CTSO: variants seen among roughly 807,000 people sequenced by gnomAD.
CTSO encodes cathepsin O.
CTSO carries 40 observed loss-of-function variants against 42.4 expected under a neutral mutation model. That is an observed-to-expected ratio of 0.94 (90% confidence interval 0.73 to 1.23). The LOEUF is 1.23. Among genes scored for constraint, CTSO ranks in the 50% most tolerant of loss-of-function variants. The probability of loss-of-function intolerance (pLI) is 0.00; values close to 1 mark genes in which losing one functional copy is unlikely to be tolerated. For synonymous variants in CTSO, 156 were observed against 146.2 expected (o/e 1.07, Z -0.48); for missense variants, 441 against 396.0 (o/e 1.11, Z -0.96).
intron 1 of CTSO, among the ~76,000 whole-genome samples, chr4:155,950,746 G>A (rs190155622): frequency 4.8e-4 from 73 of 151,968 alleles, no homozygotes; most frequent in African/African-American, 1.7e-3. Context: ...TACTGGGAAC[G>A]GTGCATGTAA....
chr4:155,944,976 C>T (rs1243982788), intron 1 of CTSO, among the ~76,000 whole-genome samples: 1 of 131,332 alleles, frequency 7.6e-6, no homozygotes, highest in Non-Finnish European at 1.7e-5. Flanking sequence ...AAAAAAAAAG[C>T]CTGGGAGCAG....
chr4:155,935,730 G>A (rs1329484463), intron 5 of CTSO, among the ~76,000 whole-genome samples: 1 of 151,960 alleles, frequency 6.6e-6, no homozygotes, highest in Non-Finnish European at 1.5e-5. Context: ...GTTTTTGTCT[G>A]TTTTGTTCTC....
chr4:155,926,508 CGA>C (rs1743131274), intron 7 of CTSO, among the ~76,000 whole-genome samples: 1 of 152,120 alleles, frequency 6.6e-6, no homozygotes. Context: ...TCTTTACACA[CGA>C]GAACACAGAT....
rs567350791 is a variant in CTSO, at chr4:155,933,479, A to G, written c.675-3774T>C. Among the ~76,000 whole-genome samples, 37 of 152,312 alleles carry G rather than the reference A, an allele frequency of 2.4e-4. No homozygotes were observed. In the East Asian group the frequency reaches 7.0e-3, roughly 29 times the overall value. On this transcript the variant is annotated intron_variant, in intron 5 of 7. Coordinates refer to ENST00000433477, the MANE Select transcript of CTSO (RefSeq NM_001334.3). Reference sequence around the variant, plus strand: ...TAGATTGGGGCACTGCTGAAAAGATACCTGAAAATGTGGAAGTGACTTTGG... The same window carrying G: ...TAGATTGGGGCACTGCTGAAAAGATGCCTGAAAATGTGGAAGTGACTTTGG...
chr4:155,947,314 C>G (rs1743566031), intron 1 of CTSO, among the ~76,000 whole-genome samples: 1 of 152,110 alleles, frequency 6.6e-6, no homozygotes, highest in Non-Finnish European at 1.5e-5. Flanking sequence ...TTGGAAAACA[C>G]TTATTACAGA....
intron 4 of CTSO, 21 bp from the exon 5 acceptor site, chr4:155,937,504 A>T (rs765407005): frequency 1.2e-6 from 2 of 1,609,444 alleles, no homozygotes; most frequent in Admixed American, 3.3e-5. Context: ...ACAATCACTG[A>T]ACATGTTTAC....
chr4:155,940,402 A>AT (rs1383636709), intron 3 of CTSO, among the ~76,000 whole-genome samples: 1 of 152,046 alleles, frequency 6.6e-6, no homozygotes, highest in African/African-American at 2.4e-5. Context: ...GACCAAAAAA[A>AT]AAAAGGAATG....
chr4:155,950,197 T>C (rs1327740049), intron 1 of CTSO, among the ~76,000 whole-genome samples: 1 of 152,252 alleles, frequency 6.6e-6, no homozygotes, highest in Admixed American at 6.5e-5. Context: ...TTTTGTGAAC[T>C]ACTTGGGAGA....
intron 4 of CTSO, among the ~76,000 whole-genome samples, chr4:155,937,725 C>G (rs889713493): frequency 2.0e-5 from 3 of 152,040 alleles, no homozygotes; most frequent in Admixed American, 6.6e-5. Context: ...AGTGATCATC[C>G]CACCTCCGTC....
chr4:155,933,784 G>T (rs1743280347), intron 5 of CTSO, among the ~76,000 whole-genome samples: 1 of 152,196 alleles, frequency 6.6e-6, no homozygotes, highest in Non-Finnish European at 1.5e-5. Flanking sequence ...ACTTGAGAGA[G>T]ATGATTTAGG....
At chr4:155,952,047 C>T (rs781001879) in intron 1 of CTSO, among the ~76,000 whole-genome samples, 3 of 152,156 alleles carry the variant, frequency 2.0e-5, no homozygotes, top group Non-Finnish European at 4.4e-5. Context: ...CAGTTTCCAG[C>T]AACTGTGCGT....
intron 5 of CTSO, among the ~76,000 whole-genome samples, chr4:155,932,843 C>A (rs1319894751): frequency 6.6e-6 from 1 of 152,122 alleles, no homozygotes; most frequent in Non-Finnish European, 1.5e-5. Flanking sequence ...TGAACTCTTA[C>A]TGTTTCCTTC....
At position 155,928,549 on chromosome 4, in the gene CTSO, A is replaced by AT. The variant is rs1045580831; in HGVS notation, c.839-122dup. The AT allele has an allele frequency of 4.1e-4, 268 of 650,120 alleles. 2 individuals carry two copies. In the African/African-American group the frequency reaches 4.5e-3, roughly 11 times the overall value. The allele number at this position is 650,120 out of a possible 1,614,324, so 40.3% of individuals were successfully genotyped here. On this transcript the variant is annotated intron_variant, in intron 6 of 7. Transcript: ENST00000433477. ...AGTAGCTCTGAGAAGAAGATTAAAA[A>AT]TGTAATTTAATGGTAACTTAAACTA...
At chr4:155,946,787 T>G (rs1428884407) in intron 1 of CTSO, among the ~76,000 whole-genome samples, 3 of 152,208 alleles carry the variant, frequency 2.0e-5, no homozygotes, top group Admixed American at 6.5e-5. Context: ...TACCCACTTG[T>G]TTTGATTTTG....
chr4:155,945,172 G>T (rs1182579910), intron 1 of CTSO, among the ~76,000 whole-genome samples: 1 of 151,834 alleles, frequency 6.6e-6, no homozygotes, highest in South Asian at 2.1e-4. Context: ...CAGGAGAATC[G>T]CTTGAACCTG....
chr4:155,926,284 A>G (rs1214596625), intron 7 of CTSO, among the ~76,000 whole-genome samples: 2 of 152,196 alleles, frequency 1.3e-5, no homozygotes, highest in African/African-American at 4.8e-5. Context: ...TTTTTGTTTG[A>G]AGAAACTAAA....
At chr4:155,937,684 G>A (rs940805707) in intron 4 of CTSO, among the ~76,000 whole-genome samples, 5 of 151,284 alleles carry the variant, frequency 3.3e-5, no homozygotes, top group Non-Finnish European at 4.4e-5. Flanking sequence ...GCTCGATCTC[G>A]TCTCACTGCA....
At chr4:155,952,176 G>T (rs1156907613) in intron 1 of CTSO, among the ~76,000 whole-genome samples, 1 of 152,100 alleles carries the variant, frequency 6.6e-6, no homozygotes, top group Non-Finnish European at 1.5e-5. Context: ...AATGTACTAA[G>T]AGTCTTCATA....
At chr4:155,942,266 G>T in intron 3 of CTSO, 51 bp downstream of exon 3, 5 of 1,452,672 alleles carry the variant, frequency 3.4e-6, no homozygotes, top group Admixed American at 2.4e-5. Flanking sequence ...TGACCTCAAA[G>T]CTGCCTTTCA....
Sources: gnomAD v4.1 joint callset for allele counts (sites outside exome capture counted in the v4.1 genomes callset) on GRCh38, gnomAD v4.1.1 for gene constraint, MANE v1.5 for transcripts, NCBI Gene and HGNC (gene_info 2026-07-23, HGNC 2026-07-21) for gene names.